Variants in ENOX1 observed in about 807,000 individuals in gnomAD.
ENOX1 encodes the protein candidate growth-related and time keeping constitutive hydroquinone (NADH) oxidase.
ENOX1 carries 42 observed loss-of-function variants against 82.5 expected under a neutral mutation model. The observed-to-expected ratio is 0.51, with a 90% CI of 0.40 to 0.66. The LOEUF is 0.66. ENOX1 is among the 30% of genes least tolerant of loss of function. The probability of loss-of-function intolerance (pLI) is 0.00; values close to 1 mark genes in which losing one functional copy is unlikely to be tolerated. For synonymous variants in ENOX1, 271 were observed against 282.2 expected, an observed-to-expected ratio of 0.96 and a Z score of 0.40; for missense variants, 608 against 811.6, an observed-to-expected ratio of 0.75 and a Z score of 3.05.
intron 8 of ENOX1, among the ~76,000 whole-genome samples, chr13:43,351,224 CAG>C (rs2049762958): frequency 6.6e-6 from 1 of 152,132 alleles, no homozygotes; most frequent in Non-Finnish European, 1.5e-5. Context: ...ATCAACTAAC[CAG>C]ATCACAGACA....
chr13:43,353,746 G>A (rs1484624204), intron 8 of ENOX1, among the ~76,000 whole-genome samples: 1 of 152,210 alleles, frequency 6.6e-6, no homozygotes, highest in East Asian at 1.9e-4. Context: ...TCATTCTACT[G>A]TAACAGCCAT....
intron 1 of ENOX1, among the ~76,000 whole-genome samples, chr13:43,678,701 G>GAGTAACAACAC (rs1255606137): frequency 6.6e-6 from 1 of 152,128 alleles, no homozygotes; most frequent in Non-Finnish European, 1.5e-5. Context: ...TAACAACACT[G>GAGTAACAACAC]AGTAGCACTC....
chr13:43,349,088 C>G (rs114681546), intron 8 of ENOX1, among the ~76,000 whole-genome samples: 5 of 152,190 alleles, frequency 3.3e-5, no homozygotes, highest in Admixed American at 1.3e-4. Context: ...TGGAAAGATA[C>G]AAATGTAATG....
intron 9 of ENOX1, among the ~76,000 whole-genome samples, chr13:43,334,720 C>G (rs1160783481): frequency 1.3e-5 from 2 of 152,110 alleles, no homozygotes; most frequent in Non-Finnish European, 2.9e-5. Context: ...ATCAAAGTGT[C>G]TGGAAAAAAA....
intron 12 of ENOX1, among the ~76,000 whole-genome samples, chr13:43,287,917 T>C (rs1440675820): frequency 6.6e-6 from 1 of 152,218 alleles, no homozygotes; most frequent in African/African-American, 2.4e-5. Context: ...CAACCGTTCC[T>C]TCAAGAGTCT....
Position 43,213,511 on chromosome 13 carries a change from C to T in ENOX1, c.*479G>A, listed in dbSNP as rs1037022. 0.53 allele frequency: 74,942 copies of T among 141,824 alleles called. 20,888 individuals carry two copies. The highest frequency in any genetic ancestry group is 0.63 in the Non-Finnish European group (41,910 of 66,096). The allele number at this position is 141,824 out of a possible 1,614,324, so 8.8% of individuals were successfully genotyped here. A position where few individuals can be genotyped will look rare whatever the true frequency, so the allele number is the denominator to read the frequency against. On this transcript the variant is annotated 3_prime_UTR_variant, in exon 17 of 17. Coordinates refer to ENST00000690772, the MANE Select transcript of ENOX1 (RefSeq NM_001347969.2). Reference sequence around the variant, plus strand: ...GGTATGCTTTTCCCTCACTGTAAAACTTTTTCTTTTTTCTTTTTTTCTTTT... The same window carrying T: ...GGTATGCTTTTCCCTCACTGTAAAATTTTTTCTTTTTTCTTTTTTTCTTTT...
Position 43,400,560 on chromosome 13 carries a change from C to A in ENOX1, c.208+11356G>T, listed in dbSNP as rs550124426. On this transcript the variant is annotated intron_variant, in intron 5 of 16. Transcript: ENST00000690772. ...ATCACTTTTTGGTTATTGTCATAAA[C>A]CTGAGTGCATGACCACCATAGTGTT... 1.4e-4 allele frequency among the ~76,000 whole-genome samples: 22 copies of A among 152,226 alleles called. No homozygotes were observed. In the South Asian group the frequency reaches 3.9e-3, roughly 27 times the overall value.
At chr13:43,374,345 G>C (rs1420793755) in intron 5 of ENOX1, among the ~76,000 whole-genome samples, 1 of 151,466 alleles carries the variant, frequency 6.6e-6, no homozygotes, top group Non-Finnish European at 1.5e-5. Context: ...TCCTGGGCTG[G>C]AGTGATTTTC....
intron 2 of ENOX1, among the ~76,000 whole-genome samples, chr13:43,608,557 C>T (rs747935831): frequency 8.5e-5 from 13 of 152,154 alleles, no homozygotes; most frequent in Non-Finnish European, 1.5e-4. Context: ...CAACAATAAG[C>T]ACAGCTGCAG....
At chr13:43,271,598 A>G (rs1369928117) in intron 12 of ENOX1, among the ~76,000 whole-genome samples, 1 of 152,136 alleles carries the variant, frequency 6.6e-6, no homozygotes, top group Admixed American at 6.5e-5. Flanking sequence ...TACTGTGAAT[A>G]AATAAGAGGG....
At chr13:43,482,668 GA>G (rs1175653672) in intron 3 of ENOX1, among the ~76,000 whole-genome samples, 15 of 149,472 alleles carry the variant, frequency 1.0e-4, no homozygotes, top group Admixed American at 8.0e-4. Flanking sequence ...AAAAAACTAA[GA>G]AAAAAAGGAA....
chr13:43,659,163 T>C (rs2084592552), intron 2 of ENOX1, among the ~76,000 whole-genome samples: 1 of 152,182 alleles, frequency 6.6e-6, no homozygotes, highest in Non-Finnish European at 1.5e-5. Context: ...ATGCCTTATC[T>C]GTCTGGAGAT....
At chr13:43,595,673 C>T (rs1443710263) in intron 2 of ENOX1, among the ~76,000 whole-genome samples, 1 of 152,158 alleles carries the variant, frequency 6.6e-6, no homozygotes, top group Non-Finnish European at 1.5e-5. Context: ...AAAATACTGG[C>T]TAACAAGATT....
chr13:43,437,244 C>T (rs544661520), intron 3 of ENOX1, among the ~76,000 whole-genome samples: 6 of 152,250 alleles, frequency 3.9e-5, no homozygotes, highest in Middle Eastern at 6.8e-3. Context: ...ATAATCCGCA[C>T]ATTGGGAAGG....
At chr13:43,299,391 C>G (rs1041505571) in intron 11 of ENOX1, among the ~76,000 whole-genome samples, 3 of 152,170 alleles carry the variant, frequency 2.0e-5, no homozygotes, top group African/African-American at 7.2e-5. Flanking sequence ...ATCAACATAG[C>G]CTGCTGAGCA....
intron 2 of ENOX1, among the ~76,000 whole-genome samples, chr13:43,602,028 C>T (rs975382887): frequency 6.6e-6 from 1 of 151,842 alleles, no homozygotes; most frequent in Non-Finnish European, 1.5e-5. Flanking sequence ...CAATAAGCTC[C>T]TAAATGACTA....
At chr13:43,725,735 G>A (rs1012397474) in intron 1 of ENOX1, among the ~76,000 whole-genome samples, 2 of 151,552 alleles carry the variant, frequency 1.3e-5, no homozygotes, top group East Asian at 3.9e-4. Flanking sequence ...GGAGGCAGAG[G>A]CCAGCAGATC....
chr13:43,340,861 T>C lies in ENOX1; in HGVS notation c.1036+3677A>G, dbSNP rs560915403. Among the ~76,000 whole-genome samples, 3 of 152,242 alleles carry C rather than the reference T, an allele frequency of 2.0e-5. No homozygotes were observed. In the South Asian group the frequency reaches 6.2e-4, roughly 31 times the overall value. Reference sequence around the variant, plus strand: ...TCATCCACCAAATATTTCTTGCATATTTCTATGTTATAAGGCTTGATATAT... The same window carrying C: ...TCATCCACCAAATATTTCTTGCATACTTCTATGTTATAAGGCTTGATATAT... On this transcript the variant is annotated intron_variant, in intron 9 of 16. Transcript: ENST00000690772.
At chr13:43,269,431 T>C (rs1398214409) in intron 13 of ENOX1, 39 bp downstream of exon 13, 1 of 1,520,740 alleles carries the variant, frequency 6.6e-7, no homozygotes, top group African/African-American at 1.4e-5. Context: ...ATGGGGTGTT[T>C]GGACTGATTC....
Sources: gnomAD v4.1 joint callset for allele counts (sites outside exome capture counted in the v4.1 genomes callset) on GRCh38, gnomAD v4.1.1 for gene constraint, MANE v1.5 for transcripts, NCBI Gene and HGNC (gene_info 2026-07-23, HGNC 2026-07-21) for gene names.